PTPRQ: variants seen among roughly 807,000 people sequenced by gnomAD.
The protein encoded by PTPRQ is protein tyrosine phosphatase receptor type Q, also known as phosphatidylinositol phosphatase PTPRQ.
Under a neutral mutation model 246.0 loss-of-function variants are expected in PTPRQ, and 199 were observed. The observed-to-expected ratio is 0.81, with a 90% CI of 0.72 to 0.91. The LOEUF (loss-of-function observed/expected upper bound fraction) is 0.91, where lower values mean the gene tolerates loss of function less well. PTPRQ is among the 40% of genes least tolerant of loss of function. PTPRQ has a pLI of 0.00. For synonymous variants in PTPRQ, 869 were observed against 853.2 expected (o/e 1.02, Z -0.32); for missense variants, 2,624 against 2,528.4 (o/e 1.04, Z -0.81).
chr12:80,657,697 G>GA (rs905524633), intron 38 of PTPRQ, among the ~76,000 whole-genome samples: 2 of 151,552 alleles, frequency 1.3e-5, no homozygotes, highest in African/African-American at 4.8e-5. Flanking sequence ...ATAGGTAAAT[G>GA]AAAAAAACGA....
intron 25 of PTPRQ, among the ~76,000 whole-genome samples, chr12:80,578,739 G>T (rs1897346291): frequency 6.6e-6 from 1 of 152,156 alleles, no homozygotes; most frequent in African/African-American, 2.4e-5. Flanking sequence ...GTGTATGGAT[G>T]TTGTCGAGGA....
At chr12:80,656,564 T>C (rs572818915) in intron 38 of PTPRQ, among the ~76,000 whole-genome samples, 6 of 152,240 alleles carry the variant, frequency 3.9e-5, no homozygotes, top group African/African-American at 1.4e-4. Context: ...TCAATTATAA[T>C]ATCAACTTGG....
intron 14 of PTPRQ, among the ~76,000 whole-genome samples, chr12:80,497,877 A>G (rs760475725): frequency 6.6e-6 from 1 of 152,098 alleles, no homozygotes; most frequent in Non-Finnish European, 1.5e-5. Flanking sequence ...CAGCAATTTC[A>G]TATAGTTCAG....
At chr12:80,589,093 A>C (rs185403165) in intron 26 of PTPRQ, among the ~76,000 whole-genome samples, 25 of 152,370 alleles carry the variant, frequency 1.6e-4, no homozygotes, top group African/African-American at 6.0e-4. Context: ...CTAAATGTAT[A>C]GGTAAAGATT....
intron 8 of PTPRQ, among the ~76,000 whole-genome samples, chr12:80,477,221 G>GA (rs141249342): frequency 1.1e-4 from 16 of 151,974 alleles, no homozygotes; most frequent in Non-Finnish European, 1.6e-4. Context: ...TAAAATATCA[G>GA]AAAAAAATCA....
chr12:80,512,688 A>T (rs1194522263), intron 17 of PTPRQ: 1 of 152,178 alleles, frequency 6.6e-6, no homozygotes, highest in Non-Finnish European at 1.5e-5. Flanking sequence ...TTTTAGATAA[A>T]CTATTCATTT....
chr12:80,614,888 G>A (rs1898693106), intron 29 of PTPRQ, among the ~76,000 whole-genome samples: 1 of 150,934 alleles, frequency 6.6e-6, no homozygotes, highest in African/African-American at 2.4e-5. Context: ...GCTATTGGAA[G>A]AGAGAAAATA....
At chr12:80,591,063 T>G (rs1897782736) in intron 26 of PTPRQ, among the ~76,000 whole-genome samples, 1 of 151,870 alleles carries the variant, frequency 6.6e-6, no homozygotes, top group East Asian at 1.9e-4. Flanking sequence ...TTAATGAACA[T>G]TTATAATTAC....
chr12:80,614,101 C>G (rs1216007171), intron 29 of PTPRQ, among the ~76,000 whole-genome samples: 1 of 150,108 alleles, frequency 6.7e-6, no homozygotes, highest in East Asian at 2.0e-4. Context: ...AAAGAAAATG[C>G]ACATTAAAAG....
chr12:80,677,571 T>G (rs954751123), intron 43 of PTPRQ, among the ~76,000 whole-genome samples: 4 of 152,214 alleles, frequency 2.6e-5, no homozygotes, highest in African/African-American at 9.6e-5. Flanking sequence ...AATCAGAATA[T>G]AGCAGTGAAT....
chr12:80,665,649 C>A (rs549795831), intron 39 of PTPRQ, among the ~76,000 whole-genome samples: 83 of 152,028 alleles, frequency 5.5e-4, no homozygotes, highest in Admixed American at 1.2e-3. Context: ...AAACAATCAA[C>A]AGAATGAATA....
chr12:80,547,977 CTTCTAGTGAAGAGTG>C (rs1896358595), intron 24 of PTPRQ, among the ~76,000 whole-genome samples: 1 of 152,070 alleles, frequency 6.6e-6, no homozygotes, highest in Non-Finnish European at 1.5e-5. Flanking sequence ...GGCCTTCTGA[CTTCTAGTGAAGAGTG>C]GACATGACTG....
chr12:80,553,619 G>A (rs1896551918), intron 25 of PTPRQ, among the ~76,000 whole-genome samples: 1 of 151,988 alleles, frequency 6.6e-6, no homozygotes, highest in African/African-American at 2.4e-5. Flanking sequence ...TGTAAACTTG[G>A]TCAAATCTGG....
chr12:80,597,472 G>C (rs116635660), intron 26 of PTPRQ, among the ~76,000 whole-genome samples: 1 of 151,966 alleles, frequency 6.6e-6, no homozygotes, highest in Non-Finnish European at 1.5e-5. Context: ...AATTAAAATA[G>C]AATGAAAGAT....
chr12:80,645,851 T>A (rs929419602), intron 35 of PTPRQ, among the ~76,000 whole-genome samples: 6 of 152,038 alleles, frequency 3.9e-5, no homozygotes, highest in Admixed American at 3.9e-4. Flanking sequence ...ACAGGATGCA[T>A]GAAGAGGAGT....
At position 80,540,990 on chromosome 12, in the gene PTPRQ, AC is replaced by A. The variant is rs1896133266; in HGVS notation, c.3155-564del. 2.6e-5 allele frequency among the ~76,000 whole-genome samples: 4 copies of A among 152,176 alleles called. No homozygotes were observed. In the East Asian group the frequency reaches 7.7e-4, roughly 29 times the overall value. On this transcript the variant is annotated intron_variant, in intron 20 of 44. Coordinates refer to ENST00000644991, the MANE Select transcript of PTPRQ (RefSeq NM_001145026.2). ...ATACAACTTATATCTGAGAATTGGA[AC>A]TTGTGTGTAAGTAGAGTAACTTTGT...
At chr12:80,613,877 G>A (rs1898650498) in intron 29 of PTPRQ, 41 bp downstream of exon 29, 3 of 1,458,814 alleles carry the variant, frequency 2.1e-6, no homozygotes, top group South Asian at 3.0e-5. Flanking sequence ...AAATGACAAT[G>A]TCAGTTTATG....
intron 35 of PTPRQ, among the ~76,000 whole-genome samples, chr12:80,646,596 C>T (rs1055572868): frequency 1.3e-5 from 2 of 152,126 alleles, no homozygotes; most frequent in Admixed American, 6.6e-5. Flanking sequence ...AGGAGACACT[C>T]GAGGAGAGTG....
intron 25 of PTPRQ, among the ~76,000 whole-genome samples, chr12:80,581,017 T>C (rs1443143012): frequency 6.6e-6 from 1 of 152,160 alleles, no homozygotes; most frequent in African/African-American, 2.4e-5. Context: ...GTAGCAAAAT[T>C]TGCTAGTAAC....
Sources: gnomAD v4.1 joint callset for allele counts (sites outside exome capture counted in the v4.1 genomes callset) on GRCh38, gnomAD v4.1.1 for gene constraint, MANE v1.5 for transcripts, NCBI Gene and HGNC (gene_info 2026-07-23, HGNC 2026-07-21) for gene names.